The following DAB1 variants were observed in gnomAD, a reference collection of about 807,000 sequenced individuals.
The protein encoded by DAB1 is disabled homolog 1.
Under a neutral mutation model 64.6 loss-of-function variants are expected in DAB1, and 15 were observed. The observed-to-expected ratio is 0.23, with a 90% CI of 0.16 to 0.36. DAB1 has a LOEUF of 0.36. Ranked by LOEUF, DAB1 falls within the 10% of genes least tolerant of loss-of-function variation. The pLI is 1.00. For missense variants in DAB1, 596 were observed against 706.7 expected (o/e 0.84, Z 1.78); for synonymous variants, 235 against 251.9 (o/e 0.93, Z 0.64).
intron 5 of DAB1, among the ~76,000 whole-genome samples, chr1:58,007,915 C>A (rs1646610313): frequency 6.6e-6 from 1 of 152,154 alleles, no homozygotes; most frequent in Non-Finnish European, 1.5e-5. Context: ...TTTGTTAATA[C>A]ATAATTAAAT....
chr1:57,301,241 A>C (rs1444842893), intron 1 of DAB1, among the ~76,000 whole-genome samples: 1 of 152,196 alleles, frequency 6.6e-6, no homozygotes, highest in Non-Finnish European at 1.5e-5. Flanking sequence ...GGAGGTACAG[A>C]GGGAGATTAA....
intron 8 of DAB1, among the ~76,000 whole-genome samples, chr1:57,065,403 T>TG (rs1230394963): frequency 4.6e-5 from 7 of 152,166 alleles, no homozygotes; most frequent in Non-Finnish European, 1.0e-4. Context: ...CTTGTCTTAT[T>TG]GGGGGAGATG....
chr1:58,324,682 G>A (rs1662780352), intron 4 of DAB1, among the ~76,000 whole-genome samples: 1 of 152,070 alleles, frequency 6.6e-6, no homozygotes, highest in South Asian at 2.1e-4. Flanking sequence ...CCTGCCTCTT[G>A]GCTGATCATG....
chr1:58,039,701 G>A (rs1570264186), intron 5 of DAB1, among the ~76,000 whole-genome samples: 1 of 152,090 alleles, frequency 6.6e-6, no homozygotes, highest in Non-Finnish European at 1.5e-5. Flanking sequence ...GAGGCAGTGT[G>A]GCCCGGTAGT....
chr1:58,065,836 C>T (rs1448785298), intron 5 of DAB1, among the ~76,000 whole-genome samples: 3 of 152,206 alleles, frequency 2.0e-5, no homozygotes, highest in African/African-American at 7.2e-5. Flanking sequence ...GGAGCTTGAA[C>T]AGTCATGCAG....
chr1:58,088,654 G>A (rs915538970), intron 5 of DAB1, among the ~76,000 whole-genome samples: 1 of 152,138 alleles, frequency 6.6e-6, no homozygotes, highest in Non-Finnish European at 1.5e-5. Flanking sequence ...TCAGTGGGAA[G>A]GCAGTAGGAT....
chr1:57,426,119 A>T (rs1242560007), upstream of DAB1, among the ~76,000 whole-genome samples: 1 of 152,226 alleles, frequency 6.6e-6, no homozygotes, highest in East Asian at 1.9e-4. Context: ...GGCTTAGAAC[A>T]TGAAGACCAT....
chr1:57,666,515 T>C (rs1013500401), intron 6 of DAB1, among the ~76,000 whole-genome samples: 18 of 152,116 alleles, frequency 1.2e-4, no homozygotes, highest in Non-Finnish European at 2.9e-5. Context: ...ACTTAGAAAA[T>C]GTTTGTGCAA....
At chr1:58,204,316 A>C (rs753252253) in intron 4 of DAB1, among the ~76,000 whole-genome samples, 3 of 152,258 alleles carry the variant, frequency 2.0e-5, no homozygotes, top group Non-Finnish European at 4.4e-5. Context: ...TATTTGTCAG[A>C]GCCCCAGAGG....
intron 1 of DAB1, among the ~76,000 whole-genome samples, chr1:57,338,810 T>C (rs1052389603): frequency 1.3e-5 from 2 of 152,224 alleles, no homozygotes; most frequent in African/African-American, 4.8e-5. Context: ...ATCTTGGCTC[T>C]GTTGTCTCAA....
intron 1 of DAB1, chr1:57,876,892 C>G (rs1254810189): frequency 6.6e-6 from 1 of 151,726 alleles, no homozygotes; most frequent in Non-Finnish European, 1.5e-5. Context: ...TCAGGTGGTC[C>G]TAGTAATGGT....
intron 2 of DAB1, among the ~76,000 whole-genome samples, chr1:57,260,028 C>T (rs1020617044): frequency 1.3e-5 from 2 of 152,092 alleles, no homozygotes; most frequent in South Asian, 2.1e-4. Flanking sequence ...TTAAGAACCC[C>T]ACAATATAAA....
intron 5 of DAB1, among the ~76,000 whole-genome samples, chr1:57,910,335 T>C (rs1644623153): frequency 6.6e-6 from 1 of 152,184 alleles, no homozygotes. Flanking sequence ...AAGATCCAAA[T>C]ACTGCAGAAT....
At chr1:57,979,744 C>G (rs1171534492) in intron 5 of DAB1, among the ~76,000 whole-genome samples, 1 of 152,158 alleles carries the variant, frequency 6.6e-6, no homozygotes, top group Non-Finnish European at 1.5e-5. Flanking sequence ...ACCTAAGTCT[C>G]ATTTTACTCA....
chr1:57,544,645 G>C (rs1644836834), intron 7 of DAB1, among the ~76,000 whole-genome samples: 1 of 152,148 alleles, frequency 6.6e-6, no homozygotes, highest in South Asian at 2.1e-4. Flanking sequence ...ATCTTGAATT[G>C]TAGTTCCCAT....
At chr1:57,424,542 G>A (rs557659907), upstream of DAB1, among the ~76,000 whole-genome samples, 1 of 152,324 alleles carries the variant, frequency 6.6e-6, no homozygotes, top group East Asian at 1.9e-4. Flanking sequence ...ACCACCACTG[G>A]ACGCAGCTCC....
chr1:58,225,214 C>T lies in DAB1; in HGVS notation n.310-74626G>A, dbSNP rs1478367170. On this transcript the variant is annotated intron_variant and non_coding_transcript_variant, in intron 4 of 20. Transcript: ENST00000485760. ...CAGCCAAAAGACACATGAAAAAATG[C>T]TCATCATCACTGGCCATCAGAGAAA... 4.0e-5 allele frequency among the ~76,000 whole-genome samples: 6 copies of T among 151,886 alleles called. No individual in the cohort carries two copies. In the East Asian group the frequency reaches 1.2e-3, roughly 29 times the overall value.
intron 4 of DAB1, among the ~76,000 whole-genome samples, chr1:58,209,540 C>T (rs1291704858): frequency 2.6e-5 from 4 of 152,056 alleles, no homozygotes; most frequent in Middle Eastern, 3.2e-3. Flanking sequence ...AAAAAAAAGC[C>T]ACCATTTAGC....
At chr1:58,034,400 T>C (rs142531418) in intron 5 of DAB1, among the ~76,000 whole-genome samples, 1 of 152,306 alleles carries the variant, frequency 6.6e-6, no homozygotes, top group Non-Finnish European at 1.5e-5. Flanking sequence ...TGACTAATAT[T>C]GCAGCCTGAG....
Sources: gnomAD v4.1 joint callset for allele counts (sites outside exome capture counted in the v4.1 genomes callset) on GRCh38, gnomAD v4.1.1 for gene constraint, MANE v1.5 for transcripts, NCBI Gene and HGNC (gene_info 2026-07-23, HGNC 2026-07-21) for gene names.